Variants in CEP57L1 observed in about 807,000 individuals in gnomAD.
CEP57L1 encodes centrosomal protein CEP57L1.
A neutral mutation model predicts 61.0 loss-of-function variants in CEP57L1; 37 were observed. The observed-to-expected ratio is 0.61, with a 90% CI of 0.47 to 0.80. The LOEUF is 0.80. Ranked by LOEUF, CEP57L1 falls within the 30% of genes least tolerant of loss-of-function variation. The pLI is 0.00. For synonymous variants in CEP57L1, 137 were observed against 162.3 expected (o/e 0.84, Z 1.19); for missense variants, 422 against 524.7 (o/e 0.80, Z 1.91).
At chr6:109,103,720 A>G (rs1295615087) in intron 1 of CEP57L1, among the ~76,000 whole-genome samples, 1 of 152,136 alleles carries the variant, frequency 6.6e-6, no homozygotes, top group Non-Finnish European at 1.5e-5. Context: ...ATTTTTAAAA[A>G]CCAATAATTG....
rs1257905934 is a variant in CEP57L1 at position 109,172,050 on chromosome 6, T to C, written c.*9080T>C. ...AAAAGCTGTTAAGTTATGGTTATGG[T>C]ATATTATAGCAAAAGAATATATATT... On this transcript the variant is annotated 3_prime_UTR_variant, in exon 11 of 11. Transcript: ENST00000517392. 6.6e-6 allele frequency among the ~76,000 whole-genome samples: 1 copy of C among 152,178 alleles called. No individual in the cohort carries two copies. Among genetic ancestry groups the C allele is most frequent in the African/African-American group, 2.4e-5 (1 of 41,436 alleles).
chr6:109,113,024 G>A (rs1407226425), intron 1 of CEP57L1, among the ~76,000 whole-genome samples: 1 of 152,096 alleles, frequency 6.6e-6, no homozygotes, highest in African/African-American at 2.4e-5. Flanking sequence ...TGTCTCTTAG[G>A]TCCGCTTGGT....
rs1157474885 is a variant in CEP57L1 at position 109,101,621 on chromosome 6, T to TC, written c.-4+6046_-4+6047insC. Among the ~76,000 whole-genome samples, 84 of 148,780 alleles carry TC rather than the reference T, an allele frequency of 5.6e-4. 2 individuals carry two copies. Among genetic ancestry groups the TC allele is most frequent in the Middle Eastern group, 3.5e-3 (1 of 286 alleles). ...TCACAGCTGTTTTTCTTTTTCTTTT[T>TC]TCTTTTTTTTTTTTTTTGAGACGGA... On this transcript the variant is annotated intron_variant, in intron 1 of 10. Transcript: ENST00000517392.
At chr6:109,097,590 A>C (rs1781857495) in intron 1 of CEP57L1, among the ~76,000 whole-genome samples, 1 of 152,190 alleles carries the variant, frequency 6.6e-6, no homozygotes, top group East Asian at 1.9e-4. Flanking sequence ...GACATTGAAG[A>C]TACAGCATTG....
At chr6:109,105,552 A>G (rs1583366132) in intron 1 of CEP57L1, among the ~76,000 whole-genome samples, 1 of 152,134 alleles carries the variant, frequency 6.6e-6, no homozygotes, top group Admixed American at 6.5e-5. Context: ...CCTCAGGCCT[A>G]TACCACTATT....
intron 7 of CEP57L1, chr6:109,157,822 G>A (rs1562143409): frequency 6.6e-6 from 1 of 152,196 alleles, no homozygotes; most frequent in Non-Finnish European, 1.5e-5. Context: ...GTAACTGACA[G>A]CAGTAGGAGA....
upstream of CEP57L1, chr6:109,095,163 A>C: frequency 8.1e-6 from 8 of 985,506 alleles, no homozygotes; most frequent in South Asian, 4.7e-5. Flanking sequence ...GAACTGGGCC[A>C]AGCGCCCCCG....
intron 1 of CEP57L1, among the ~76,000 whole-genome samples, chr6:109,126,059 A>G (rs1429507877): frequency 1.3e-5 from 2 of 152,182 alleles, no homozygotes; most frequent in Non-Finnish European, 2.9e-5. Flanking sequence ...GGAGGTAGGA[A>G]AAAGTTGTTG....
At chr6:109,115,736 T>C (rs1772190259) in intron 1 of CEP57L1, among the ~76,000 whole-genome samples, 1 of 152,156 alleles carries the variant, frequency 6.6e-6, no homozygotes, top group Non-Finnish European at 1.5e-5. Context: ...TTGCTATTCA[T>C]TTTTTATACA....
chr6:109,102,362 C>G (rs1770412084), intron 1 of CEP57L1, among the ~76,000 whole-genome samples: 1 of 152,244 alleles, frequency 6.6e-6, no homozygotes, highest in African/African-American at 2.4e-5. Context: ...GCTCAGCTTA[C>G]TATTGAGTTT....
Position 109,173,966 on chromosome 6 carries a change from G to A in CEP57L1, c.*10996G>A, listed in dbSNP as rs1360085673. On this transcript the variant is annotated 3_prime_UTR_variant, in exon 11 of 11. Transcript: ENST00000517392. ...AAAAAAAAAATTAGCTGGGTGTGGT[G>A]GCATGCACCTGTAGTCTCAGCTACT... 6.6e-6 allele frequency among the ~76,000 whole-genome samples: 1 copy of A among 151,734 alleles called. No homozygotes were observed. The highest frequency in any genetic ancestry group is 1.5e-5 in the Non-Finnish European group (1 of 67,980).
rs570266569 is a variant in CEP57L1 at position 109,172,033 on chromosome 6, T to A, written c.*9063T>A. Among the ~76,000 whole-genome samples, 1 of 152,264 alleles carries A rather than the reference T, an allele frequency of 6.6e-6. No homozygotes were observed. The highest frequency in any genetic ancestry group is 2.4e-5 in the African/African-American group (1 of 41,546). On this transcript the variant is annotated 3_prime_UTR_variant, in exon 11 of 11. Coordinates refer to ENST00000517392, the MANE Select transcript of CEP57L1 (RefSeq NM_001271852.3). Reference sequence around the variant, plus strand: ...GGACTCACAGAACTCAGAAAAGCTGTTAAGTTATGGTTATGGTATATTATA... The same window carrying A: ...GGACTCACAGAACTCAGAAAAGCTGATAAGTTATGGTTATGGTATATTATA...
chr6:109,138,859 A>C (rs1019468245), intron 1 of CEP57L1, among the ~76,000 whole-genome samples: 3 of 152,334 alleles, frequency 2.0e-5, no homozygotes, highest in Non-Finnish European at 4.4e-5. Context: ...ACCAAACTCT[A>C]TATATACTAT....
rs561411879 is a variant in CEP57L1, at chr6:109,159,960, G to A, written c.1016+498G>A. Among the ~76,000 whole-genome samples the A allele has an allele frequency of 2.6e-5, 4 of 152,194 alleles. No individual in the cohort carries two copies. The East Asian group carries it at 7.7e-4, about 29-fold the overall frequency. On this transcript the variant is annotated intron_variant, in intron 9 of 10. Transcript: ENST00000517392. ...ATGAATTATTTCATTAGACAAGTAG[G>A]AATGTAATTCCTTGTTTTAGACTCT...
At chr6:109,161,648 G>A (rs1182847112) in intron 10 of CEP57L1, among the ~76,000 whole-genome samples, 3 of 152,060 alleles carry the variant, frequency 2.0e-5, no homozygotes, top group African/African-American at 4.8e-5. Context: ...GCTATAGTAA[G>A]TAAAAATTTC....
intron 4 of CEP57L1, among the ~76,000 whole-genome samples, chr6:109,153,116 A>AAAAGAAAAGAAAAG (rs530628800): frequency 2.0e-5 from 3 of 151,618 alleles, no homozygotes; most frequent in African/African-American, 7.3e-5. Flanking sequence ...CTCAAAAAAA[A>AAAAGAAAAGAAAAG]AAAAGAAAAG....
Position 109,159,274 on chromosome 6 carries a change from G to T in CEP57L1, c.828G>T (p.Arg276Ser), listed in dbSNP as rs752869855. The T allele has an allele frequency of 6.0e-5, 97 of 1,613,920 alleles. No homozygotes were observed. The highest frequency in any genetic ancestry group is 4.7e-5 in the Non-Finnish European group (56 of 1,179,978). Residue 276 changes from arginine to serine, a missense_variant, in exon 9 of 11, where the codon AGG becomes AGT. Coordinates refer to ENST00000517392, the MANE Select transcript of CEP57L1 (RefSeq NM_001271852.3). ...GALPFVAEKM[R>S]QHRDPHILQK... ...GTATGCAAAACTTTTTGCAGATGAG[G>T]CAACATCGTGACCCACATATCCTTC...
intron 1 of CEP57L1, among the ~76,000 whole-genome samples, chr6:109,134,797 T>G (rs1774638304): frequency 2.0e-5 from 3 of 151,928 alleles, no homozygotes; most frequent in Admixed American, 1.3e-4. Context: ...AAATCATGAG[T>G]GAACTCCCAT....
At chr6:109,142,602 AAAT>A (rs1771506547) in intron 1 of CEP57L1, among the ~76,000 whole-genome samples, 1 of 150,772 alleles carries the variant, frequency 6.6e-6, no homozygotes, top group African/African-American at 2.4e-5. Context: ...AATAAAGAAA[AAAT>A]AAATAAAAAT....
Sources: allele counts gnomAD v4.1 joint callset (sites outside exome capture counted in the v4.1 genomes callset), GRCh38; gene constraint gnomAD v4.1.1; transcripts MANE v1.5; gene names NCBI Gene and HGNC (gene_info 2026-07-23, HGNC 2026-07-21).